Variants in B3GALT1 observed in about 807,000 individuals in gnomAD.
B3GALT1 encodes beta-1,3-galactosyltransferase 1.
Under a neutral mutation model 23.2 loss-of-function variants are expected in B3GALT1, and 10 were observed. The observed-to-expected ratio is 0.43, with a 90% confidence interval of 0.27 to 0.73. The LOEUF is 0.73. B3GALT1 is among the 30% of genes least tolerant of loss of function. The pLI, the probability that B3GALT1 is intolerant of heterozygous loss-of-function variation, is 0.21. For missense variants in B3GALT1, 299 were observed against 405.4 expected, an observed-to-expected ratio of 0.74 and a Z score of 2.25; for synonymous variants, 156 against 141.5, an observed-to-expected ratio of 1.10 and a Z score of -0.73.
intron 2 of B3GALT1, among the ~76,000 whole-genome samples, chr2:167,576,404 G>A (rs1684387340): frequency 6.6e-6 from 1 of 151,644 alleles, no homozygotes; most frequent in African/African-American, 2.4e-5. Context: ...GCTTTAGCTG[G>A]ATAATTGCTG....
In B3GALT1 at chr2:167,869,181, T is replaced by C. The variant is rs758319224; in HGVS notation, c.142T>C (p.Phe48Leu). ...FSHLTVARKN[F>L]TFGNIRTRPI... ...CCACCTAACAGTTGCCAGGAAAAAC[T>C]TCACCTTTGGCAACATAAGAACTCG... Residue 48 changes from phenylalanine (F) to leucine (L), a missense_variant, in exon 5 of 5, where the codon TTC (phenylalanine) becomes CTC (leucine). By Grantham distance (22) the Phe-to-Leu change is conservative. Transcript: ENST00000392690. The surrounding 1 kb of genome is among the most constrained non-coding windows in gnomAD (Gnocchi z 6.4). 3 of 1,614,162 alleles carry C rather than the reference T, an allele frequency of 1.9e-6. No homozygotes were observed. Among genetic ancestry groups the C allele is most frequent in the Non-Finnish European group, 2.5e-6 (3 of 1,180,022 alleles).
intron 2 of B3GALT1, among the ~76,000 whole-genome samples, chr2:167,612,527 A>G (rs1298128894): frequency 6.6e-6 from 1 of 151,776 alleles, no homozygotes; most frequent in African/African-American, 2.4e-5. Context: ...ACATTGAGTA[A>G]ACTGAGCTGT....
At chr2:167,661,445 A>C (rs114002493) in intron 3 of B3GALT1, among the ~76,000 whole-genome samples, 1,784 of 152,130 alleles carry the variant, frequency 0.012, 35 homozygotes, top group African/African-American at 0.04. Flanking sequence ...CCTGCTTAGA[A>C]TGGTAGCCAC....
At chr2:167,703,224 T>C (rs553607576) in intron 3 of B3GALT1, among the ~76,000 whole-genome samples, 1 of 152,330 alleles carries the variant, frequency 6.6e-6, no homozygotes, top group Non-Finnish European at 1.5e-5. Context: ...TGAGGCTCAG[T>C]AAGGTTTTAA....
chr2:167,760,743 C>CT (rs781395889), intron 3 of B3GALT1, among the ~76,000 whole-genome samples: 3 of 152,180 alleles, frequency 2.0e-5, no homozygotes, highest in Non-Finnish European at 4.4e-5. Context: ...CCTTGCTTGA[C>CT]TTTGGCTTCT....
Position 167,870,845 on chromosome 2 carries a change from G to A in B3GALT1, c.*825G>A, listed in dbSNP as rs759840415. 6.0e-6 allele frequency: 1 copy of A among 166,800 alleles called. No individual in the cohort carries two copies. Among genetic ancestry groups the A allele is most frequent in the Non-Finnish European group, 1.5e-5 (1 of 68,068 alleles). 10.3% of individuals were successfully genotyped at this position (166,800 alleles called of 1,614,324 possible). A position where few individuals can be genotyped will look rare whatever the true frequency, so the allele number is the denominator to read the frequency against. Reference sequence around the variant, plus strand: ...CGCTAAGTGCATTTCACAGTTTTTGGATCTGGCAGGCATATGTCTCTATGT... The same window carrying A: ...CGCTAAGTGCATTTCACAGTTTTTGAATCTGGCAGGCATATGTCTCTATGT... On this transcript the variant is annotated 3_prime_UTR_variant, in exon 5 of 5. Transcript: ENST00000392690.
At chr2:167,816,206 A>G (rs6747404) in intron 3 of B3GALT1, among the ~76,000 whole-genome samples, 3,562 of 152,282 alleles carry the variant, frequency 0.023, 141 homozygotes, top group African/African-American at 0.08. Context: ...ATTTGCATGT[A>G]TATGTTTTCT....
chr2:167,379,861 A>G (rs774467495), intron 1 of B3GALT1, among the ~76,000 whole-genome samples: 1 of 152,262 alleles, frequency 6.6e-6, no homozygotes, highest in Non-Finnish European at 1.5e-5. Flanking sequence ...TTCTCTGCAC[A>G]GGGGTGGCCT....
chr2:167,497,282 A>AGTCTCCATGAAGCGG (rs1699795363), intron 2 of B3GALT1, among the ~76,000 whole-genome samples: 3 of 152,126 alleles, frequency 2.0e-5, no homozygotes, highest in African/African-American at 7.2e-5. Flanking sequence ...TGGTTAGAAG[A>AGTCTCCATGAAGCGG]GTCTCCATGA....
rs1206579595 is a variant in B3GALT1 at position 167,753,405 on chromosome 2, G to T, written c.-351-65267G>T. Among the ~76,000 whole-genome samples the T allele has an allele frequency of 5.3e-5, 8 of 152,194 alleles. No individual in the cohort carries two copies. The East Asian group carries it at 1.5e-3, about 29-fold the overall frequency. Reference sequence around the variant, plus strand: ...AAACCCAAGCACACAACCTGCTGAGGAGTGAAACCATGGTCAGGCTCTGAG... The same window carrying T: ...AAACCCAAGCACACAACCTGCTGAGTAGTGAAACCATGGTCAGGCTCTGAG... On this transcript the variant is annotated intron_variant, in intron 3 of 4. Coordinates refer to ENST00000392690, the MANE Select transcript of B3GALT1 (RefSeq NM_020981.4).
At chr2:167,634,807 A>G (rs1685519334) in intron 2 of B3GALT1, among the ~76,000 whole-genome samples, 1 of 152,168 alleles carries the variant, frequency 6.6e-6, no homozygotes, top group African/African-American at 2.4e-5. Context: ...TTCTGAAACT[A>G]TTCCAATCAA....
chr2:167,609,429 A>G (rs1685020361), intron 2 of B3GALT1, among the ~76,000 whole-genome samples: 1 of 152,120 alleles, frequency 6.6e-6, no homozygotes. Context: ...GAAACAGAGC[A>G]TAAGGTAGGG....
At chr2:167,672,523 G>T (rs943704816) in intron 3 of B3GALT1, among the ~76,000 whole-genome samples, 2 of 152,062 alleles carry the variant, frequency 1.3e-5, no homozygotes, top group Non-Finnish European at 2.9e-5. Flanking sequence ...CTGATTTTTA[G>T]AAAGAACCTG....
rs140280849 is a variant in B3GALT1, at chr2:167,594,933, T to G, written c.-409-51976T>G. On this transcript the variant is annotated intron_variant, in intron 2 of 4. Coordinates refer to ENST00000392690, the MANE Select transcript of B3GALT1 (RefSeq NM_020981.4). ...AAAAAAAAGAAAAGAAACAAAAACTTGGATAATGGACAAACGTGTGGGCAG... is the reference window on the plus strand; with the variant it reads ...AAAAAAAAGAAAAGAAACAAAAACTGGGATAATGGACAAACGTGTGGGCAG... Among the ~76,000 whole-genome samples, 627 of 152,034 alleles carry G rather than the reference T, an allele frequency of 4.1e-3. 2 individuals carry two copies. Among genetic ancestry groups the G allele is most frequent in the African/African-American group, 0.014 (599 of 41,496 alleles).
chr2:167,415,624 A>G (rs1225943467), intron 1 of B3GALT1, among the ~76,000 whole-genome samples: 3 of 152,166 alleles, frequency 2.0e-5, no homozygotes, highest in Non-Finnish European at 4.4e-5. Context: ...GAGGGCTTAG[A>G]AGATAAGAAT....
intron 1 of B3GALT1, among the ~76,000 whole-genome samples, chr2:167,466,258 A>C (rs555705849): frequency 6.6e-6 from 1 of 152,178 alleles, no homozygotes; most frequent in Non-Finnish European, 1.5e-5. Flanking sequence ...TACATTTGAT[A>C]ATCAGATTTG....
At chr2:167,474,858 A>C (rs1229350501) in intron 1 of B3GALT1, among the ~76,000 whole-genome samples, 1 of 152,170 alleles carries the variant, frequency 6.6e-6, no homozygotes, top group Non-Finnish European at 1.5e-5. Context: ...GGAGTACGTA[A>C]ATGTGATTAT....
At chr2:167,601,885 ATATCTG>A (rs1684884359) in intron 2 of B3GALT1, among the ~76,000 whole-genome samples, 1 of 152,220 alleles carries the variant, frequency 6.6e-6, no homozygotes, top group African/African-American at 2.4e-5. Context: ...AAAACCTCAA[ATATCTG>A]TAAATAATTG....
chr2:167,632,658 G>A (rs1194936037), intron 2 of B3GALT1, among the ~76,000 whole-genome samples: 3 of 151,620 alleles, frequency 2.0e-5, no homozygotes, highest in Non-Finnish European at 4.4e-5. Context: ...TTTTTTTCTT[G>A]TGAATTTTTT....
Sources: gnomAD v4.1 joint callset for allele counts (sites outside exome capture counted in the v4.1 genomes callset) on GRCh38, gnomAD v4.1.1 for gene constraint, Gnocchi (gnomAD v3.1) non-coding constraint, MANE v1.5 for transcripts, NCBI Gene and HGNC (gene_info 2026-07-23, HGNC 2026-07-21) for gene names.